ZNF506: variants seen among roughly 807,000 people sequenced by gnomAD.
ZNF506 encodes the protein zinc finger protein 506.
Under a neutral mutation model 11.6 loss-of-function variants are expected in ZNF506, and 10 were observed. That is an observed-to-expected ratio of 0.86 (90% confidence interval 0.53 to 1.46). ZNF506 has a LOEUF of 1.46. Among genes scored for constraint, ZNF506 ranks in the 40% most tolerant of loss-of-function variants. The pLI is 0.00. For missense variants in ZNF506, 425 were observed against 521.2 expected, an observed-to-expected ratio of 0.82 and a Z score of 1.80; for synonymous variants, 156 against 173.3, an observed-to-expected ratio of 0.90 and a Z score of 0.78.
intron 1 of ZNF506, among the ~76,000 whole-genome samples, chr19:19,818,959 G>A (rs773551983): frequency 6.6e-6 from 1 of 152,186 alleles, no homozygotes; most frequent in Non-Finnish European, 1.5e-5. Flanking sequence ...CTGCATTCCA[G>A]CCTGTGCAAC....
chr19:19,810,497 C>A (rs966151638), intron 1 of ZNF506, among the ~76,000 whole-genome samples: 2 of 152,094 alleles, frequency 1.3e-5, no homozygotes, highest in Non-Finnish European at 2.9e-5. Context: ...TTAATAATTT[C>A]CAGGATGTAG....
rs3062863 is a variant in ZNF506, at chr19:19,800,391, A to AATATATATATATATATATAT, written c.227-4751_227-4732dup. On this transcript the variant is annotated intron_variant, in intron 3 of 3. Transcript: ENST00000540806. ...CAACATAATTAATATAACTAAACAGAATATATATATATATATATATATTTA... is the reference window on the plus strand; with the variant it reads ...CAACATAATTAATATAACTAAACAGAATATATATATATATATATATATATATATATATATATATATATTTA... Among the ~76,000 whole-genome samples, 25 of 139,234 alleles carry AATATATATATATATATATAT rather than the reference A, an allele frequency of 1.8e-4. No individual in the cohort carries two copies. In the East Asian group the frequency reaches 4.7e-3, roughly 26 times the overall value. 91.3% of individuals were successfully genotyped at this position (139,234 alleles called of 152,430 possible).
chr19:19,821,559 A>C (rs925307151), intron 1 of ZNF506, 42 bp downstream of exon 1: 2 of 1,613,842 alleles, frequency 1.2e-6, no homozygotes, highest in Non-Finnish European at 1.7e-6. Flanking sequence ...AGTTCCAACC[A>C]GCCCCTCTCC....
Position 19,821,729 on chromosome 19 carries a change from T to G in ZNF506, c.-126A>C. 3.1e-6 allele frequency: 4 copies of G among 1,288,824 alleles called. No homozygotes were observed. In the South Asian group the frequency reaches 4.8e-5, roughly 15 times the overall value. The allele number at this position is 1,288,824 out of a possible 1,614,324, so 79.8% of individuals were successfully genotyped here. A position where few individuals can be genotyped will look rare whatever the true frequency, so the allele number is the denominator to read the frequency against. On this transcript the variant is annotated 5_prime_UTR_variant, in exon 1 of 4. Transcript: ENST00000540806. ...GAGCAGTGAAGACGATAGCTGGATC[T>G]CTGGCGTCAGCGAGAGACAATGGGC...
chr19:19,803,499 G>A (rs949323566), intron 3 of ZNF506, among the ~76,000 whole-genome samples: 4 of 152,172 alleles, frequency 2.6e-5, no homozygotes, highest in African/African-American at 9.7e-5. Context: ...GCAAAAACAT[G>A]TCCTAATGTC....
chr19:19,821,089 G>A (rs2062964175), intron 1 of ZNF506, among the ~76,000 whole-genome samples: 1 of 152,136 alleles, frequency 6.6e-6, no homozygotes. Context: ...TAGTAGACAT[G>A]GGGTTTCCCC....
chr19:19,800,106 C>T (rs1044430371), intron 3 of ZNF506, among the ~76,000 whole-genome samples: 2 of 152,010 alleles, frequency 1.3e-5, no homozygotes, highest in African/African-American at 2.4e-5. Context: ...TATAAAAATA[C>T]TGGCATATCA....
chr19:19,809,880 C>T (rs1476361880), intron 1 of ZNF506, among the ~76,000 whole-genome samples: 1 of 152,180 alleles, frequency 6.6e-6, no homozygotes, highest in African/African-American at 2.4e-5. Context: ...ATTCTGGCCT[C>T]ACCTTAGAGT....
In ZNF506 at chr19:19,811,436, C is replaced by T. The variant is rs141702873; in HGVS notation, c.4-4368G>A. Among the ~76,000 whole-genome samples, 1,433 of 152,302 alleles carry T rather than the reference C, an allele frequency of 9.4e-3. 10 individuals carry two copies. Among genetic ancestry groups the T allele is most frequent in the South Asian group, 0.03 (144 of 4,828 alleles). ...ACCTCTCAAGTGCTGGGAATACAGG[C>T]ATGAGCCACTGTGCCTGGCCTTTCT... On this transcript the variant is annotated intron_variant, in intron 1 of 3. Transcript: ENST00000540806.
At chr19:19,799,089 TTTAAG>T (rs1475885598) in intron 3 of ZNF506, 1 of 175,880 alleles carries the variant, frequency 5.7e-6, no homozygotes, top group Admixed American at 6.2e-5. Flanking sequence ...TAAAATGTAC[TTTAAG>T]TTAAAACTTC....
intron 1 of ZNF506, among the ~76,000 whole-genome samples, chr19:19,812,055 T>G (rs1029642165): frequency 2.6e-5 from 4 of 152,194 alleles, no homozygotes; most frequent in African/African-American, 9.7e-5. Flanking sequence ...GTTTATCTAT[T>G]TGGGTCTCCA....
intron 1 of ZNF506, among the ~76,000 whole-genome samples, chr19:19,814,021 T>G (rs559012489): frequency 6.6e-6 from 1 of 151,906 alleles, no homozygotes; most frequent in South Asian, 2.1e-4. Context: ...AAAAACAAAA[T>G]ATGGTACATC....
rs940415219 is a variant in ZNF506 at position 19,809,076 on chromosome 19, G to C, written c.4-2008C>G. ...AGAGCTAATAGAACACACAGATGGA[G>C]CCTCAACATTACATGTTCTCCATCT... On this transcript the variant is annotated intron_variant, in intron 1 of 3. Coordinates refer to ENST00000540806, the MANE Select transcript of ZNF506 (RefSeq NM_001099269.3). Among the ~76,000 whole-genome samples the C allele has an allele frequency of 9.9e-5, 15 of 152,172 alleles. 1 individual carries two copies. Among genetic ancestry groups the C allele is most frequent in the Admixed American group, 9.8e-4 (15 of 15,278 alleles).
At chr19:19,816,538 G>T (rs562170683) in intron 1 of ZNF506, among the ~76,000 whole-genome samples, 8 of 151,948 alleles carry the variant, frequency 5.3e-5, no homozygotes, top group Admixed American at 2.0e-4. Flanking sequence ...TTTTGTATTT[G>T]TAGTAGAGAC....
chr19:19,811,808 G>A (rs1248177455), intron 1 of ZNF506, among the ~76,000 whole-genome samples: 1 of 151,926 alleles, frequency 6.6e-6, no homozygotes, highest in East Asian at 1.9e-4. Context: ...TTATAATAAC[G>A]GTTCTTCTCT....
At chr19:19,818,137 G>T (rs951611881) in intron 1 of ZNF506, among the ~76,000 whole-genome samples, 1 of 152,092 alleles carries the variant, frequency 6.6e-6, no homozygotes, top group Admixed American at 6.6e-5. Flanking sequence ...TAAGGTGCTT[G>T]CATTTTATAC....
chr19:19,817,991 C>T (rs2062946411), intron 1 of ZNF506, among the ~76,000 whole-genome samples: 2 of 151,942 alleles, frequency 1.3e-5, no homozygotes, highest in Admixed American at 1.3e-4. Context: ...CCACACCTGG[C>T]TAATTTTTGT....
chr19:19,802,466 A>C (rs966430642), intron 3 of ZNF506, among the ~76,000 whole-genome samples: 4 of 152,216 alleles, frequency 2.6e-5, no homozygotes, highest in African/African-American at 7.2e-5. Context: ...GAAGAAAAGA[A>C]TAGACATATT....
intron 3 of ZNF506, 65 bp downstream of exon 3, chr19:19,805,966 C>T: frequency 8.1e-6 from 11 of 1,363,472 alleles, no homozygotes; most frequent in Admixed American, 2.2e-5. Flanking sequence ...TAAGGACTCG[C>T]TTTCTCTTTG....
Sources: allele counts gnomAD v4.1 joint callset (sites outside exome capture counted in the v4.1 genomes callset), GRCh38; gene constraint gnomAD v4.1.1; transcripts MANE v1.5; gene names NCBI Gene and HGNC (gene_info 2026-07-23, HGNC 2026-07-21).